NEK6: variants seen among roughly 807,000 people sequenced by gnomAD.
The protein encoded by NEK6 is NIMA related kinase 6.
In NEK6, 27 loss-of-function variants were observed where a neutral mutation model predicts 43.5. The observed-to-expected ratio is 0.62, with a 90% CI of 0.46 to 0.86. NEK6 has a LOEUF of 0.86. Ranked by LOEUF, NEK6 falls within the 40% of genes least tolerant of loss-of-function variation. NEK6 has a pLI of 0.00. For synonymous variants in NEK6, 167 were observed against 164.1 expected (o/e 1.02, Z -0.14); for missense variants, 318 against 414.4 (o/e 0.77, Z 2.02).
chr9:124,274,204 G>A (rs907742311), intron 1 of NEK6, among the ~76,000 whole-genome samples: 1 of 152,240 alleles, frequency 6.6e-6, no homozygotes, highest in Non-Finnish European at 1.5e-5. Context: ...GAGGCCGCAG[G>A]GCCCATCCAA....
At position 124,352,404 on chromosome 9, in the gene NEK6, G is replaced by GTGAC. The variant is rs1830320341; in HGVS notation, c.*1460_*1463dup. Reference sequence around the variant, plus strand: ...TTCTCCATGGTTGAAATAAAACAGGGTGACTGGGAGTTACTTAGAATTCAT... The same window carrying GTGAC: ...TTCTCCATGGTTGAAATAAAACAGGGTGACTGACTGGGAGTTACTTAGAATTCAT... On this transcript the variant is annotated 3_prime_UTR_variant, in exon 10 of 10. Coordinates refer to ENST00000320246, the MANE Select transcript of NEK6 (RefSeq NM_014397.6). 6.6e-6 allele frequency: 1 copy of GTGAC among 152,220 alleles called. No individual in the cohort carries two copies. The highest frequency in any genetic ancestry group is 2.1e-4 in the South Asian group (1 of 4,836). 9.4% of individuals were successfully genotyped at this position (152,220 alleles called of 1,614,324 possible). A position where few individuals can be genotyped will look rare whatever the true frequency, so the allele number is the denominator to read the frequency against.
intron 4 of NEK6, among the ~76,000 whole-genome samples, chr9:124,320,413 AT>A (rs912243487): frequency 1.3e-5 from 2 of 152,176 alleles, no homozygotes; most frequent in Non-Finnish European, 2.9e-5. Flanking sequence ...GGCTCCCCTC[AT>A]TTTAGAATCC....
At chr9:124,282,854 C>T (rs1335628669) in intron 1 of NEK6, among the ~76,000 whole-genome samples, 2 of 152,240 alleles carry the variant, frequency 1.3e-5, no homozygotes, top group Non-Finnish European at 2.9e-5. Flanking sequence ...CAGCGCCCAG[C>T]ATAGGCCGCC....
Position 124,326,490 on chromosome 9 carries a change from C to A in NEK6, c.514+52C>A. 7.4e-7 allele frequency: 1 copy of A among 1,360,346 alleles called. No homozygotes were observed. Among genetic ancestry groups the A allele is most frequent in the Non-Finnish European group, 1.0e-6 (1 of 961,320 alleles). The allele number at this position is 1,360,346 out of a possible 1,614,324, so 84.3% of individuals were successfully genotyped here. A position where few individuals can be genotyped will look rare whatever the true frequency, so the allele number is the denominator to read the frequency against. On this transcript the variant is annotated intron_variant, in intron 6 of 9. Transcript: ENST00000320246. This position sits in a 1 kb window ranked among gnomAD's most constrained non-coding sequence, Gnocchi z 4.5. ...CGGAGCCACCTGGAGCCCAGGAAGA[C>A]ACTTCCTCATGGCTCCTCCAGGGTC...
rs1290792867 is a variant in NEK6 at position 124,302,004 on chromosome 9, TC to T, written c.42del (p.Asn15ThrfsTer37). ...CGGCCACATGCCCCATGGAGGGAGTTCCAACAACCTCTGCCACACCCTGGGG... is the reference window on the plus strand; with the variant it reads ...CGGCCACATGCCCCATGGAGGGAGTTCAACAACCTCTGCCACACCCTGGGG... ...QPGHMPHGGS[S>X]NNLCHTLGPV... On this transcript the variant is annotated frameshift_variant, in exon 2 of 10. Transcript: ENST00000320246. LOFTEE classifies it high-confidence loss of function. 2 of 1,606,088 alleles carry T rather than the reference TC, an allele frequency of 1.2e-6. No homozygotes were observed. The highest frequency in any genetic ancestry group is 1.7e-6 in the Non-Finnish European group (2 of 1,176,384).
At chr9:124,287,712 A>G (rs1254422041) in intron 1 of NEK6, among the ~76,000 whole-genome samples, 1 of 152,070 alleles carries the variant, frequency 6.6e-6, no homozygotes, top group Non-Finnish European at 1.5e-5. Flanking sequence ...ATAACCCTGG[A>G]TACTTGGGAG....
intron 1 of NEK6, among the ~76,000 whole-genome samples, chr9:124,273,423 C>G (rs1831526147): frequency 1.3e-5 from 2 of 152,180 alleles, no homozygotes; most frequent in South Asian, 4.1e-4. Context: ...AAACTGCCTT[C>G]AAAATGCCAC....
chr9:124,298,729 A>G (rs941719257), intron 1 of NEK6, among the ~76,000 whole-genome samples: 7 of 152,082 alleles, frequency 4.6e-5, no homozygotes, highest in African/African-American at 1.7e-4. Flanking sequence ...TTTGTCTGTG[A>G]TCCTTGGGAC....
At position 124,289,177 on chromosome 9, in the gene NEK6, CCCCCCCCCGCCACACACACACACA is replaced by C. The variant is rs1231393167; in HGVS notation, c.-29-12757_-29-12734del. On this transcript the variant is annotated intron_variant, in intron 1 of 9. Transcript: ENST00000320246. ...AGACTTTGATTGGACACCCCCCCCGCCCCCCCCCGCCACACACACACACACACACACACACACACACACACACAC... is the reference window on the plus strand; with the variant it reads ...AGACTTTGATTGGACACCCCCCCCGCCACACACACACACACACACACACAC... 3.8e-3 allele frequency among the ~76,000 whole-genome samples: 151 copies of C among 39,926 alleles called. 9 individuals are homozygous for C. Among genetic ancestry groups the C allele is most frequent in the East Asian group, 0.02 (24 of 1,200 alleles). 26.2% of individuals were successfully genotyped at this position (39,926 alleles called of 152,430 possible).
chr9:124,265,262 G>A lies in NEK6; in HGVS notation c.-30+7177G>A, dbSNP rs150398881. 5.2e-3 allele frequency among the ~76,000 whole-genome samples: 792 copies of A among 152,322 alleles called. 7 individuals carry two copies. Among genetic ancestry groups the A allele is most frequent in the African/African-American group, 0.018 (756 of 41,578 alleles). ...GTTTTGGCCAGGCACGGTGGCTCAC[G>A]CCTGTAATCCCAGCACTTTGGGAGG... On this transcript the variant is annotated intron_variant, in intron 1 of 9. Coordinates refer to ENST00000320246, the MANE Select transcript of NEK6 (RefSeq NM_014397.6).
chr9:124,351,166 C>T lies in NEK6; in HGVS notation c.*219C>T, dbSNP rs1160570077. 6 of 505,206 alleles carry T rather than the reference C, an allele frequency of 1.2e-5. No homozygotes were observed. The highest frequency in any genetic ancestry group is 8.7e-5 in the South Asian group (4 of 45,840). The allele number at this position is 505,206 out of a possible 1,614,324, so 31.3% of individuals were successfully genotyped here. On this transcript the variant is annotated 3_prime_UTR_variant, in exon 10 of 10. Transcript: ENST00000320246. ...TGATGGTCAGATTCCAAAGTCCTTT[C>T]TTTATACTGTTGTGGACAATCTCAG...
intron 7 of NEK6, among the ~76,000 whole-genome samples, chr9:124,334,201 A>C (rs1009475814): frequency 2.0e-5 from 3 of 152,166 alleles, no homozygotes; most frequent in Non-Finnish European, 2.9e-5. Context: ...AGGCTCAGTT[A>C]ATCTTAGTTG....
chr9:124,327,482 C>G (rs765552487), intron 7 of NEK6, 37 bp downstream of exon 7: 5 of 1,527,794 alleles, frequency 3.3e-6, no homozygotes, highest in Non-Finnish European at 4.5e-6. Flanking sequence ...CAGCCCCCAG[C>G]GGTCCTGGTG....
At chr9:124,347,674 C>T (rs375347182) in intron 8 of NEK6, 35 bp from the exon 9 acceptor site, 78 of 1,413,596 alleles carry the variant, frequency 5.5e-5, no homozygotes, top group Non-Finnish European at 7.0e-5. Flanking sequence ...GCCTTGAGGC[C>T]GAAAGCTTAT....
rs1830289084 is a variant in NEK6 at position 124,351,835 on chromosome 9, T to C, written c.*888T>C. On this transcript the variant is annotated 3_prime_UTR_variant, in exon 10 of 10. Coordinates refer to ENST00000320246, the MANE Select transcript of NEK6 (RefSeq NM_014397.6). ...CTCATCTGTACAATGAGATTAATAG[T>C]ACCTATCATCTACCTTCAGGATTGC... The C allele has an allele frequency of 6.6e-6, 1 of 152,284 alleles. No individual in the cohort carries two copies. The highest frequency in any genetic ancestry group is 2.1e-4 in the South Asian group (1 of 4,836). 9.4% of individuals were successfully genotyped at this position (152,284 alleles called of 1,614,324 possible).
At chr9:124,305,570 GAAAAA>G (rs916626331) in intron 2 of NEK6, among the ~76,000 whole-genome samples, 1 of 135,270 alleles carries the variant, frequency 7.4e-6, no homozygotes, top group Non-Finnish European at 1.6e-5. Flanking sequence ...AAAAAAAAAA[GAAAAA>G]GAAAAGAAAT....
intron 1 of NEK6, among the ~76,000 whole-genome samples, chr9:124,294,205 A>C (rs1029096687): frequency 3.9e-5 from 6 of 152,212 alleles, no homozygotes; most frequent in Non-Finnish European, 7.4e-5. Context: ...GTCTCTACTA[A>C]AACTACAAAA....
chr9:124,351,200 A>T lies in NEK6; in HGVS notation c.*253A>T, dbSNP rs1215700877. ...GTTGTGGACAATCTCAGCTGGGTCA[A>T]TAAGGGCAGGTGGTTCAGCGAGCCA... On this transcript the variant is annotated 3_prime_UTR_variant, in exon 10 of 10. Transcript: ENST00000320246. 1 of 406,544 alleles carries T rather than the reference A, an allele frequency of 2.5e-6. No individual in the cohort carries two copies. The highest frequency in any genetic ancestry group is 4.1e-5 in the Admixed American group (1 of 24,690). The allele number at this position is 406,544 out of a possible 1,614,324, so 25.2% of individuals were successfully genotyped here. A position where few individuals can be genotyped will look rare whatever the true frequency, so the allele number is the denominator to read the frequency against.
At chr9:124,285,740 C>T (rs1358066736) in intron 1 of NEK6, among the ~76,000 whole-genome samples, 5 of 152,112 alleles carry the variant, frequency 3.3e-5, no homozygotes, top group Non-Finnish European at 5.9e-5. Flanking sequence ...GCAGGAGGGC[C>T]GGGCCACCAG....
Sources: gnomAD v4.1 joint callset for allele counts (sites outside exome capture counted in the v4.1 genomes callset) on GRCh38, gnomAD v4.1.1 for gene constraint, Gnocchi (gnomAD v3.1) non-coding constraint, MANE v1.5 for transcripts, NCBI Gene and HGNC (gene_info 2026-07-23, HGNC 2026-07-21) for gene names.